OPRM1: variants seen among roughly 807,000 people sequenced by gnomAD.
The protein encoded by OPRM1 is mu-type opioid receptor.
Under a neutral mutation model 31.8 loss-of-function variants are expected in OPRM1, and 27 were observed. The ratio of observed to expected loss-of-function variants is 0.85; its 90% confidence interval spans 0.63 to 1.17. The LOEUF (loss-of-function observed/expected upper bound fraction) is 1.17. Among genes scored for constraint, OPRM1 ranks in the 50% most tolerant of loss-of-function variants. The pLI is 0.00. For missense variants in OPRM1, 536 were observed against 511.1 expected, an observed-to-expected ratio of 1.05 and a Z score of -0.47; for synonymous variants, 196 against 189.9, an observed-to-expected ratio of 1.03 and a Z score of -0.26.
chr6:154,089,314 T>C (rs1791428574), intron 1 of OPRM1, among the ~76,000 whole-genome samples: 1 of 151,912 alleles, frequency 6.6e-6, no homozygotes, highest in Non-Finnish European at 1.5e-5. Flanking sequence ...TCACTGCGTG[T>C]GGTGTCTCAT....
At chr6:154,152,062 A>G (rs2128541702) in intron 3 of OPRM1, among the ~76,000 whole-genome samples, 1 of 151,448 alleles carries the variant, frequency 6.6e-6, no homozygotes, top group Admixed American at 6.6e-5. Context: ...CTGTAATCCC[A>G]GCTATTCACG....
intron 3 of OPRM1, among the ~76,000 whole-genome samples, chr6:154,234,577 C>A (rs1409621822): frequency 6.6e-6 from 1 of 152,172 alleles, no homozygotes; most frequent in African/African-American, 2.4e-5. Context: ...AAAAGTCAAC[C>A]AAGGATATGG....
At position 154,125,833 on chromosome 6, in the gene OPRM1, C is replaced by T. The variant is rs531698398; in HGVS notation, c.*7112C>T. ...TTTTTTTTTTTTTGAGACAGAGTCT[C>T]GCTCTGTCGCCCAGGCTGGAGTACA... On this transcript the variant is annotated 3_prime_UTR_variant, in exon 4 of 4. Coordinates refer to ENST00000330432, the MANE Select transcript of OPRM1 (RefSeq NM_000914.5). Among the ~76,000 whole-genome samples the T allele has an allele frequency of 7.8e-3, 27 of 3,462 alleles. 10 individuals carry two copies. Among genetic ancestry groups the T allele is most frequent in the Non-Finnish European group, 0.041 (23 of 562 alleles). 2.3% of individuals were successfully genotyped at this position (3,462 alleles called of 152,430 possible).
Position 154,090,019 on chromosome 6 carries a change from A to C in OPRM1, c.484A>C (p.Thr162Pro). The C allele has an allele frequency of 6.2e-7, 1 of 1,614,182 alleles. No homozygotes were observed. The highest frequency in any genetic ancestry group is 8.5e-7 in the Non-Finnish European group (1 of 1,179,998). The change falls in exon 2 of 4, where the codon ACC becomes CCC. Residue 162 changes from threonine (T) to proline (P), a missense_variant. Thr to Pro is a conservative substitution (Grantham distance 38). Transcript: ENST00000330432. The part of the protein sequence containing the change: ...NMFTSIFTLC[T>P]MSVDRYIAVC... ...GTTCACCAGCATATTCACCCTCTGC[A>C]CCATGAGTGTTGATCGATACATTGC...
chr6:154,088,580 C>G (rs2128481023), intron 1 of OPRM1, among the ~76,000 whole-genome samples: 1 of 152,276 alleles, frequency 6.6e-6, no homozygotes, highest in African/African-American at 2.4e-5. Context: ...CCAATTGGGT[C>G]TACACACCAT....
intron 1 of OPRM1, among the ~76,000 whole-genome samples, chr6:154,024,250 T>A (rs1778553856): frequency 6.6e-6 from 1 of 152,130 alleles, no homozygotes; most frequent in South Asian, 2.1e-4. Context: ...TTTGGATTTC[T>A]TCATGGTTCA....
intron 1 of OPRM1, among the ~76,000 whole-genome samples, chr6:154,027,232 T>C (rs745463813): frequency 1.3e-5 from 2 of 152,234 alleles, no homozygotes; most frequent in Non-Finnish European, 2.9e-5. Flanking sequence ...TGATGGTCTT[T>C]GACAAGATCT....
At chr6:154,175,461 T>C (rs971135107) in intron 3 of OPRM1, among the ~76,000 whole-genome samples, 10 of 144,904 alleles carry the variant, frequency 6.9e-5, no homozygotes, top group African/African-American at 1.3e-4. Flanking sequence ...AAGAATCAAA[T>C]AGACACAATA....
rs373398795 is a variant in OPRM1, at chr6:154,065,652, GT to G, written c.291-24166del. 2.2e-4 allele frequency among the ~76,000 whole-genome samples: 34 copies of G among 151,604 alleles called. 1 individual carries two copies. The highest frequency in any genetic ancestry group is 1.2e-3 in the Admixed American group (19 of 15,222). ...ACCAAATTCATTATTAGTTCTAACA[GT>G]TTTTTTTGTGTGTGGAATCTTTAGT... On this transcript the variant is annotated intron_variant, in intron 1 of 3. Coordinates refer to ENST00000330432, the MANE Select transcript of OPRM1 (RefSeq NM_000914.5).
At chr6:154,084,917 A>AACACACACACACACACACAC in intron 1 of OPRM1, among the ~76,000 whole-genome samples, 1 of 146,494 alleles carries the variant, frequency 6.8e-6, no homozygotes, top group East Asian at 2.1e-4. Context: ...TGTGGAATTA[A>AACACACACACACACACACAC]ACACACACAC....
intron 3 of OPRM1, among the ~76,000 whole-genome samples, chr6:154,141,395 T>G (rs991375771): frequency 2.6e-5 from 4 of 152,178 alleles, no homozygotes; most frequent in Non-Finnish European, 5.9e-5. Context: ...AATTATTTCC[T>G]CTTGGAGGCC....
intron 1 of OPRM1, among the ~76,000 whole-genome samples, chr6:154,015,488 C>T (rs1427070432): frequency 6.6e-6 from 1 of 151,920 alleles, no homozygotes; most frequent in Non-Finnish European, 1.5e-5. Flanking sequence ...CAGTCTCTTA[C>T]ATCATACATG....
At chr6:154,108,698 G>C (rs1337310549) in intron 3 of OPRM1, 1 of 718,928 alleles carries the variant, frequency 1.4e-6, no homozygotes. Flanking sequence ...TTAACGAGAG[G>C]GGTCTCTAAC....
chr6:154,237,737 G>A (rs912934838), intron 3 of OPRM1, among the ~76,000 whole-genome samples: 6 of 152,020 alleles, frequency 3.9e-5, no homozygotes, highest in African/African-American at 1.2e-4. Flanking sequence ...CCATGCTGCC[G>A]AAATCCACCT....
At position 154,087,414 on chromosome 6, in the gene OPRM1, C is replaced by T. The variant is rs188806595; in HGVS notation, c.291-2412C>T. On this transcript the variant is annotated intron_variant, in intron 1 of 3. Coordinates refer to ENST00000330432, the MANE Select transcript of OPRM1 (RefSeq NM_000914.5). ...GTGACGGAAAAACAGTAAACACAAGCTAACATTTAAAAGGAATTGATGGCA... is the reference window on the plus strand; with the variant it reads ...GTGACGGAAAAACAGTAAACACAAGTTAACATTTAAAAGGAATTGATGGCA... 2.1e-3 allele frequency: 2,092 copies of T among 985,400 alleles called. 3 individuals are homozygous for T. Among genetic ancestry groups the T allele is most frequent in the Non-Finnish European group, 2.4e-3 (1,974 of 829,934 alleles). 61.0% of individuals were successfully genotyped at this position (985,400 alleles called of 1,614,324 possible). A position where few individuals can be genotyped will look rare whatever the true frequency, so the allele number is the denominator to read the frequency against.
chr6:154,015,072 GA>G, intron 1 of OPRM1, among the ~76,000 whole-genome samples: 1 of 152,168 alleles, frequency 6.6e-6, no homozygotes, highest in Middle Eastern at 3.4e-3. Flanking sequence ...CATTACTTAG[GA>G]AGAAGCAACC....
chr6:154,204,707 C>A (rs78064501), intron 3 of OPRM1, among the ~76,000 whole-genome samples: 1,797 of 152,266 alleles, frequency 0.012, 30 homozygotes, highest in East Asian at 0.025. Context: ...TGGCTTCCTG[C>A]CTTATCAGTG....
At chr6:154,078,818 C>T (rs965896767) in intron 1 of OPRM1, among the ~76,000 whole-genome samples, 3 of 152,074 alleles carry the variant, frequency 2.0e-5, no homozygotes, top group African/African-American at 7.2e-5. Flanking sequence ...GTCAAAGCTG[C>T]AGTGAGTCAT....
rs6901846 is a variant in OPRM1 at position 154,149,661 on chromosome 6, C to T, written c.1164+58189C>T. Among the ~76,000 whole-genome samples, 863 of 150,064 alleles carry T rather than the reference C, an allele frequency of 5.8e-3. 10 individuals are homozygous for T. The highest frequency in any genetic ancestry group is 0.021 in the African/African-American group (834 of 40,218). Reference sequence around the variant, plus strand: ...AGAGAGAGAGAGAGAGAGAGAGAAACTTCCCATATATCTTGTCTTTAGAAA... The same window carrying T: ...AGAGAGAGAGAGAGAGAGAGAGAAATTTCCCATATATCTTGTCTTTAGAAA... On this transcript the variant is annotated intron_variant, in intron 3 of 3. Transcript: ENST00000337049.
Sources: gnomAD v4.1 joint callset for allele counts (sites outside exome capture counted in the v4.1 genomes callset) on GRCh38, gnomAD v4.1.1 for gene constraint, MANE v1.5 for transcripts, NCBI Gene and HGNC (gene_info 2026-07-23, HGNC 2026-07-21) for gene names.